ADPRHL1: variants seen among roughly 807,000 people sequenced by gnomAD.
ADPRHL1 encodes the protein inactive ADP-ribosyltransferase ARH2.
ADPRHL1 carries 43 observed loss-of-function variants against 44.1 expected under a neutral mutation model. The observed-to-expected ratio is 0.98, with a 90% confidence interval of 0.76 to 1.26. The LOEUF is 1.26. Among genes scored for constraint, ADPRHL1 ranks in the 50% most tolerant of loss-of-function variants. The pLI is 0.00. For missense variants in ADPRHL1, 2,022 were observed against 2,496.9 expected, an observed-to-expected ratio of 0.81 and a Z score of 4.05; for synonymous variants, 878 against 1,017.4, an observed-to-expected ratio of 0.86 and a Z score of 2.61.
chr13:113,423,101 G>T, intron 6 of ADPRHL1, 122 bp from the exon 7 acceptor site: 1 of 1,399,456 alleles, frequency 7.1e-7, no homozygotes, highest in Non-Finnish European at 9.7e-7. Context: ...GCTGATAAAA[G>T]GGACAGGCAG....
At chr13:113,428,193 G>A (rs2043980566) in intron 4 of ADPRHL1, among the ~76,000 whole-genome samples, 1 of 143,086 alleles carries the variant, frequency 7.0e-6, no homozygotes, top group Admixed American at 7.7e-5. Context: ...GCAGTGAGCT[G>A]AGATTGCATC....
rs1386106541 is a variant in ADPRHL1, at chr13:113,405,896, G to C, written c.3386C>G (p.Ala1129Gly). 6 of 1,231,916 alleles carry C rather than the reference G, an allele frequency of 4.9e-6. No individual in the cohort carries two copies. Among genetic ancestry groups the C allele is most frequent in the Non-Finnish European group, 6.1e-6 (6 of 988,066 alleles). The allele number at this position is 1,231,916 out of a possible 1,614,324, so 76.3% of individuals were successfully genotyped here. The stretch of plus-strand genomic sequence containing the variant: ...TCCAGGGCTCTGGGTGCTGCCTGGC[G>C]CTGGTGCAGGCGTGGCGCGGCTCGC... ...SVASRATPAP[A>G]PGSTQSPGDR... Residue 1129 changes from alanine to glycine, a missense_variant, in exon 8 of 8, where the codon GCG (alanine) becomes GGG (glycine). Physicochemically the swap from Ala to Gly is moderately conservative, Grantham distance 60 (BLOSUM62 0). Coordinates refer to ENST00000612156, the MANE Select transcript of ADPRHL1 (RefSeq NM_001394807.1).
chr13:113,449,530 C>G (rs976749115), intron 1 of ADPRHL1, among the ~76,000 whole-genome samples: 4 of 150,414 alleles, frequency 2.7e-5, no homozygotes, highest in African/African-American at 9.8e-5. Context: ...CAGAGGCTCA[C>G]CCGGAAGGAG....
chr13:113,413,711 C>T (rs1336988023), intron 7 of ADPRHL1, among the ~76,000 whole-genome samples: 2 of 152,228 alleles, frequency 1.3e-5, no homozygotes, highest in Non-Finnish European at 1.5e-5. Flanking sequence ...GCTGCGCTGG[C>T]GGAGTCTGGG....
chr13:113,410,217 C>G, intron 7 of ADPRHL1: 1 of 796,356 alleles, frequency 1.3e-6, no homozygotes, highest in South Asian at 5.7e-5. Context: ...ACGCCTCCCT[C>G]GCCCGGTTCA....
intron 5 of ADPRHL1, 55 bp from the exon 6 acceptor site, chr13:113,424,404 A>G: frequency 1.2e-6 from 2 of 1,605,372 alleles, no homozygotes; most frequent in Non-Finnish European, 1.7e-6. Flanking sequence ...ACTTCTGGGT[A>G]TATTACAGCA....
intron 7 of ADPRHL1, chr13:113,422,029 CTT>C (rs1454184004): frequency 2.0e-5 from 3 of 152,370 alleles, no homozygotes; most frequent in Admixed American, 6.5e-5. Context: ...CAAGTGGTCT[CTT>C]TTCCAAGACT....
At position 113,429,106 on chromosome 13, in the gene ADPRHL1, A is replaced by AAG. The variant is rs148154052; in HGVS notation, c.506-16_506-15dup. ...AGCCCAGGAAGCCTGGAGGGCAGGG[A>AAG]AGAGAGAGGGGGCACCATCACCTGG... On this transcript the variant is annotated splice_polypyrimidine_tract_variant and intron_variant, in intron 3 of 7. Transcript: ENST00000612156. The AAG allele has an allele frequency of 0.41, 663,388 of 1,600,244 alleles. 141,148 individuals are homozygous for AAG. Among genetic ancestry groups the AAG allele is most frequent in the Middle Eastern group, 0.53 (3,150 of 5,898 alleles).
rs2043799751 is a variant in ADPRHL1 at position 113,405,341 on chromosome 13, A to T, written c.3941T>A (p.Leu1314His). The T allele has an allele frequency of 4.9e-6, 6 of 1,231,696 alleles. No individual in the cohort carries two copies. The highest frequency in any genetic ancestry group is 3.1e-4 in the Middle Eastern group (1 of 3,226). The allele number at this position is 1,231,696 out of a possible 1,614,324, so 76.3% of individuals were successfully genotyped here. A position where few individuals can be genotyped will look rare whatever the true frequency, so the allele number is the denominator to read the frequency against. Residue 1314 changes from leucine to histidine, a missense_variant, in exon 8 of 8, where the codon CTT (leucine) becomes CAT (histidine). By Grantham distance (99) the Leu-to-His change is moderately conservative. Coordinates refer to ENST00000612156, the MANE Select transcript of ADPRHL1 (RefSeq NM_001394807.1). ...FPRGAEPDHL[L>H]PAVPPAEVDM... ...CACCTCCGCGGGAGGCACTGCGGGA[A>T]GCAGATGGTCAGGCTCCGCCCCACG...
chr13:113,427,958 G>C (rs1490667102), intron 4 of ADPRHL1, among the ~76,000 whole-genome samples: 4 of 152,170 alleles, frequency 2.6e-5, no homozygotes, highest in Admixed American at 6.6e-5. Flanking sequence ...GCGATTCACT[G>C]GTTTTTCTGT....
At chr13:113,430,260 A>G (rs1006190811) in intron 3 of ADPRHL1, among the ~76,000 whole-genome samples, 6 of 152,164 alleles carry the variant, frequency 3.9e-5, no homozygotes, top group Admixed American at 2.0e-4. Flanking sequence ...TGAGGCTAAC[A>G]ATGCCCAGGG....
chr13:113,410,371 G>C (rs1200911239), intron 7 of ADPRHL1, among the ~76,000 whole-genome samples: 1 of 152,174 alleles, frequency 6.6e-6, no homozygotes, highest in Admixed American at 6.5e-5. Context: ...CTGGGAATCT[G>C]CATTTTAACG....
At chr13:113,440,878 C>T (rs935963135) in intron 2 of ADPRHL1, among the ~76,000 whole-genome samples, 1 of 152,158 alleles carries the variant, frequency 6.6e-6, no homozygotes, top group Non-Finnish European at 1.5e-5. Flanking sequence ...CTTGGCTAGG[C>T]ACAGTGGCTT....
chr13:113,417,467 A>G (rs984961591), intron 7 of ADPRHL1, among the ~76,000 whole-genome samples: 1 of 152,258 alleles, frequency 6.6e-6, no homozygotes, highest in African/African-American at 2.4e-5. Flanking sequence ...TGCCAGACAC[A>G]GAGTGCCCCA....
Position 113,403,936 on chromosome 13 carries a change from C to T in ADPRHL1, c.5346G>A (p.Glu1782=). The T allele has an allele frequency of 7.8e-7, 1 of 1,278,542 alleles. No individual in the cohort carries two copies. Among genetic ancestry groups the T allele is most frequent in the Non-Finnish European group, 9.8e-7 (1 of 1,020,970 alleles). 79.2% of individuals were successfully genotyped at this position (1,278,542 alleles called of 1,614,324 possible). ...GCCTCTGAGTCTCTATCTGGGTCTG[C>T]TCCCAGCCCTGATCCCGAGCCCGAT... is the stretch of plus-strand genomic sequence containing the variant. The part of the protein sequence containing the change: ...ARDRARDQGW[E]QTQIETQRQT... The change falls in exon 8 of 8, where the codon GAG becomes GAA. Residue 1782 remains glutamate (E), a synonymous_variant. Coordinates refer to ENST00000612156, the MANE Select transcript of ADPRHL1 (RefSeq NM_001394807.1).
At chr13:113,423,179 C>T (rs544163960) in intron 6 of ADPRHL1, among the ~76,000 whole-genome samples, 200 bp from the exon 7 acceptor site, 2 of 152,254 alleles carry the variant, frequency 1.3e-5, no homozygotes, top group African/African-American at 2.4e-5. Context: ...ATCTCTTGAA[C>T]CCGGGAGGCA....
rs115665892 is a variant in ADPRHL1 at position 113,430,484 on chromosome 13, C to T, written c.506-1392G>A. Among the ~76,000 whole-genome samples, 542 of 152,236 alleles carry T rather than the reference C, an allele frequency of 3.6e-3. 4 individuals are homozygous for T. Among genetic ancestry groups the T allele is most frequent in the African/African-American group, 0.012 (480 of 41,542 alleles). On this transcript the variant is annotated intron_variant, in intron 3 of 7. Transcript: ENST00000612156. ...TGCAGTCGTGTGGGAGGACTAGTGA[C>T]GGCCGTGGTGACAGTACCAGTAGCA...
At chr13:113,440,963 G>A (rs2044093779) in intron 2 of ADPRHL1, among the ~76,000 whole-genome samples, 1 of 151,824 alleles carries the variant, frequency 6.6e-6, no homozygotes, top group Non-Finnish European at 1.5e-5. Context: ...GGCCAGCCTG[G>A]CCAACATGGC....
chr13:113,414,364 C>G (rs537021598), intron 7 of ADPRHL1, among the ~76,000 whole-genome samples: 2 of 152,148 alleles, frequency 1.3e-5, no homozygotes, highest in African/African-American at 4.8e-5. Flanking sequence ...TGCCCCTCTG[C>G]GGATGAGCCT....
Sources: gnomAD v4.1 joint callset for allele counts (sites outside exome capture counted in the v4.1 genomes callset) on GRCh38, gnomAD v4.1.1 for gene constraint, MANE v1.5 for transcripts, NCBI Gene and HGNC (gene_info 2026-07-23, HGNC 2026-07-21) for gene names.